Variants in ZRANB3 observed in about 807,000 individuals in gnomAD.
ZRANB3 encodes the protein zinc finger RANBP2-type containing 3.
A neutral mutation model predicts 133.8 loss-of-function variants in ZRANB3; 125 were observed. The ratio of observed to expected loss-of-function variants is 0.93; its 90% CI spans 0.81 to 1.08. ZRANB3 has a LOEUF of 1.08. Among genes scored for constraint, ZRANB3 ranks in the 50% least tolerant of loss-of-function variants. The probability of loss-of-function intolerance (pLI) is 0.00; values close to 1 mark genes in which losing one functional copy is unlikely to be tolerated. For missense variants in ZRANB3, 1,229 were observed against 1,275.5 expected (o/e 0.96, Z 0.56); for synonymous variants, 387 against 432.7 (o/e 0.89, Z 1.31).
At chr2:135,338,116 A>T (rs1684450966) in intron 6 of ZRANB3, among the ~76,000 whole-genome samples, 1 of 152,220 alleles carries the variant, frequency 6.6e-6, no homozygotes, top group African/African-American at 2.4e-5. Context: ...GTTTGACAAC[A>T]TCTGTGAATT....
At chr2:135,329,934 T>C (rs1684051590) in intron 6 of ZRANB3, among the ~76,000 whole-genome samples, 1 of 152,248 alleles carries the variant, frequency 6.6e-6, no homozygotes, top group African/African-American at 2.4e-5. Context: ...AAGTTGCTTA[T>C]CAGCTTAAGG....
rs139830004 is a variant in ZRANB3 at position 135,511,880 on chromosome 2, G to C, written c.-7-7384C>G. ...AGCATGTCTGGGGCCTAGTTCAGCA[G>C]TGTGTAATGCTGTCTCACAAATTCC... On this transcript the variant is annotated intron_variant, in intron 1 of 20. Coordinates refer to ENST00000264159, the MANE Select transcript of ZRANB3 (RefSeq NM_032143.4). 3 of 763,030 alleles carry C rather than the reference G, an allele frequency of 3.9e-6. No individual in the cohort carries two copies. The East Asian group carries it at 7.4e-5, about 19-fold the overall frequency. The allele number at this position is 763,030 out of a possible 1,614,324, so 47.3% of individuals were successfully genotyped here. A position where few individuals can be genotyped will look rare whatever the true frequency, so the allele number is the denominator to read the frequency against.
At chr2:135,323,631 G>A (rs140179525) in intron 6 of ZRANB3, among the ~76,000 whole-genome samples, 29 of 152,234 alleles carry the variant, frequency 1.9e-4, no homozygotes, top group Non-Finnish European at 3.1e-4. Flanking sequence ...TCGGTCAAAA[G>A]AGGGACAATT....
At chr2:135,296,837 G>C (rs969032167) in intron 8 of ZRANB3, among the ~76,000 whole-genome samples, 1 of 152,184 alleles carries the variant, frequency 6.6e-6, no homozygotes, top group African/African-American at 2.4e-5. Flanking sequence ...ATTGCTGGAG[G>C]TCCACTCCAG....
intron 6 of ZRANB3, among the ~76,000 whole-genome samples, chr2:135,321,761 G>A (rs1246242898): frequency 6.6e-6 from 1 of 152,094 alleles, no homozygotes; most frequent in African/African-American, 2.4e-5. Context: ...TTACAGGTGT[G>A]AGCCACCCTG....
intron 2 of ZRANB3, among the ~76,000 whole-genome samples, chr2:135,494,307 C>CAA (rs770757530): frequency 6.9e-3 from 354 of 51,220 alleles, no homozygotes; most frequent in Admixed American, 0.037. Flanking sequence ...GACTCCGTCT[C>CAA]AAAAAAAAAA....
At chr2:135,464,386 A>T (rs1365966258) in intron 2 of ZRANB3, among the ~76,000 whole-genome samples, 1 of 152,180 alleles carries the variant, frequency 6.6e-6, no homozygotes, top group East Asian at 1.9e-4. Context: ...GATCCATGTC[A>T]CACTGTTCGC....
intron 8 of ZRANB3, among the ~76,000 whole-genome samples, chr2:135,277,431 A>T (rs1030923811): frequency 6.6e-6 from 1 of 152,254 alleles, no homozygotes; most frequent in African/African-American, 2.4e-5. Flanking sequence ...ATTTGTAGAA[A>T]GCAACATGTA....
chr2:135,275,658 G>A lies in ZRANB3; in HGVS notation c.1064C>T (p.Thr355Ile). 6.3e-7 allele frequency: 1 copy of A among 1,595,264 alleles called. No homozygotes were observed. Among genetic ancestry groups the A allele is most frequent in the Non-Finnish European group, 8.5e-7 (1 of 1,172,140 alleles). ...AHHLSMLQAC[T>I]EAVIENKTRY... is the part of the protein sequence containing the mutation. ...TACCTTATTTTCGATGACTGCTTCT[G>A]TGCAAGCTTGGAGCATGCTTAAATG... The change falls in exon 9 of 21, where the codon ACA becomes ATA. Residue 355 changes from threonine (T) to isoleucine (I), a missense_variant. By Grantham distance (89) the Thr-to-Ile change is moderately conservative. Transcript: ENST00000264159.
At chr2:135,384,611 C>T (rs1189476740) in intron 3 of ZRANB3, among the ~76,000 whole-genome samples, 8 of 152,112 alleles carry the variant, frequency 5.3e-5, no homozygotes, top group East Asian at 1.9e-4. Context: ...ACTGGCAAAC[C>T]GAATCCAGCA....
chr2:135,327,546 T>C (rs1453885014), intron 6 of ZRANB3, among the ~76,000 whole-genome samples: 1 of 152,190 alleles, frequency 6.6e-6, no homozygotes, highest in Non-Finnish European at 1.5e-5. Context: ...ATTAATTTAA[T>C]ATACTTAGTC....
intron 2 of ZRANB3, among the ~76,000 whole-genome samples, chr2:135,403,315 C>A (rs545961919): frequency 1.2e-4 from 18 of 152,242 alleles, no homozygotes; most frequent in Non-Finnish European, 2.1e-4. Flanking sequence ...TATCCCGCAC[C>A]TGGCTCGGAG....
chr2:135,455,816 G>A (rs186635445), intron 2 of ZRANB3, among the ~76,000 whole-genome samples: 11 of 149,518 alleles, frequency 7.4e-5, no homozygotes, highest in South Asian at 6.4e-4. Context: ...GGATGGTCTC[G>A]ATCTCCTGAC....
intron 2 of ZRANB3, among the ~76,000 whole-genome samples, chr2:135,481,265 C>A (rs1237549364): frequency 1.3e-5 from 2 of 151,074 alleles, no homozygotes; most frequent in East Asian, 3.9e-4. Flanking sequence ...TCCACATCCT[C>A]TCCAGCACCT....
At chr2:135,311,536 G>C (rs1433335154) in intron 8 of ZRANB3, among the ~76,000 whole-genome samples, 1 of 151,090 alleles carries the variant, frequency 6.6e-6, no homozygotes, top group Non-Finnish European at 1.5e-5. Context: ...ACTTACAATA[G>C]TCTAAAACAG....
chr2:135,506,673 G>A (rs1183948707), intron 1 of ZRANB3, among the ~76,000 whole-genome samples: 1 of 152,194 alleles, frequency 6.6e-6, no homozygotes, highest in Non-Finnish European at 1.5e-5. Flanking sequence ...TAATAGTAAA[G>A]ATACAGAACA....
chr2:135,345,638 A>G lies in ZRANB3; in HGVS notation c.592-3T>C, dbSNP rs1279684607. On this transcript the variant is annotated splice_polypyrimidine_tract_variant and splice_region_variant and intron_variant, in intron 5 of 20. Coordinates refer to ENST00000264159, the MANE Select transcript of ZRANB3 (RefSeq NM_032143.4). Reference sequence around the variant, plus strand: ...AGAGCTTCAATCTGCATAAAAAGCTATAATAATACAAGTGTTTGTAGTATG... The same window carrying G: ...AGAGCTTCAATCTGCATAAAAAGCTGTAATAATACAAGTGTTTGTAGTATG... The G allele has an allele frequency of 3.8e-6, 6 of 1,591,272 alleles. 1 individual carries two copies. The highest frequency in any genetic ancestry group is 2.2e-5 in the South Asian group (2 of 89,002).
At chr2:135,504,539 T>C (rs1254201975) in intron 1 of ZRANB3, 43 bp from the exon 2 acceptor site, 4 of 1,511,130 alleles carry the variant, frequency 2.6e-6, no homozygotes, top group Non-Finnish European at 3.6e-6. Context: ...GTATAAGAAA[T>C]AGATATTACT....
At chr2:135,263,723 A>C (rs546006273) in intron 12 of ZRANB3, among the ~76,000 whole-genome samples, 1 of 152,272 alleles carries the variant, frequency 6.6e-6, no homozygotes, top group East Asian at 1.9e-4. Flanking sequence ...AAAGAAAAAA[A>C]GGTAAAGGAT....
Sources: allele counts gnomAD v4.1 joint callset (sites outside exome capture counted in the v4.1 genomes callset), GRCh38; gene constraint gnomAD v4.1.1; transcripts MANE v1.5; gene names NCBI Gene and HGNC (gene_info 2026-07-23, HGNC 2026-07-21).